The following POLN variants were observed in gnomAD, a reference collection of about 807,000 sequenced individuals.
POLN encodes the protein DNA polymerase nu.
A neutral mutation model predicts 113.5 loss-of-function variants in POLN; 108 were observed. That is an observed-to-expected ratio of 0.95 (90% CI 0.81 to 1.12). The LOEUF (loss-of-function observed/expected upper bound fraction) is 1.12, where lower values mean the gene tolerates loss of function less well. POLN is among the 50% of genes most tolerant of loss of function. The pLI, the probability that POLN is intolerant of heterozygous loss-of-function variation, is 0.00. For synonymous variants in POLN, 386 were observed against 391.5 expected (o/e 0.99, Z 0.17); for missense variants, 1,097 against 1,077.1 (o/e 1.02, Z -0.26).
At position 2,127,818 on chromosome 4, in the gene POLN, G is replaced by A. The variant is rs1024652359; in HGVS notation, c.1982+295C>T. 5.9e-5 allele frequency among the ~76,000 whole-genome samples: 9 copies of A among 152,226 alleles called. No homozygotes were observed. Among genetic ancestry groups the A allele is most frequent in the Non-Finnish European group, 1.0e-4 (7 of 68,040 alleles). ...GGCTCACAGCCAGCACCGCGGGCTC[G>A]CTCTTTCCGTGGTGCTCGCCTGCAG... On this transcript the variant is annotated intron_variant, in intron 19 of 25. Transcript: ENST00000511885. This position sits in a 1 kb window ranked among gnomAD's most constrained non-coding sequence, Gnocchi z 4.7.
Position 2,231,913 on chromosome 4 carries a change from G to A in POLN, c.-12-2670C>T, listed in dbSNP as rs149512553. The stretch of plus-strand genomic sequence containing the variant: ...AAAGAGGACACGTAATAAAGATTCA[G>A]TTTTCAGTAATTTTCAATCTTCAAG... On this transcript the variant is annotated intron_variant, in intron 2 of 25. Coordinates refer to ENST00000511885, the MANE Select transcript of POLN (RefSeq NM_181808.4). 2.0e-3 allele frequency: 2,072 copies of A among 1,061,244 alleles called. 31 individuals carry two copies. The African/African-American group carries it at 0.03, about 15-fold the overall frequency. The allele number at this position is 1,061,244 out of a possible 1,614,324, so 65.7% of individuals were successfully genotyped here.
At chr4:2,189,807 G>T (rs987005227) in intron 7 of POLN, among the ~76,000 whole-genome samples, 4 of 151,566 alleles carry the variant, frequency 2.6e-5, no homozygotes, top group Non-Finnish European at 4.4e-5. Flanking sequence ...AAGGCGGGTG[G>T]ATCACGAGGT....
intron 20 of POLN, among the ~76,000 whole-genome samples, chr4:2,092,208 G>A (rs1251541851): frequency 1.3e-5 from 2 of 152,224 alleles, no homozygotes; most frequent in East Asian, 3.9e-4. Flanking sequence ...CACTGAGCCA[G>A]GCGGTGTGCC....
intron 6 of POLN, among the ~76,000 whole-genome samples, chr4:2,194,804 GGAGAAT>G (rs1452620339): frequency 6.6e-6 from 1 of 152,064 alleles, no homozygotes. Context: ...TGCTGAGGAG[GGAGAAT>G]CACTTGAGCC....
chr4:2,156,537 C>T lies in POLN; in HGVS notation c.1731+251G>A, dbSNP rs542842647. ...GATGGGGTACGGGTGTCCTTTTTGC[C>T]TGCACACTGGAGTGCATGGGTTTCT... On this transcript the variant is annotated intron_variant, in intron 16 of 25. Transcript: ENST00000511885. The T allele has an allele frequency of 4.7e-5, 25 of 530,938 alleles. No individual in the cohort carries two copies. The African/African-American group carries it at 4.8e-4, about 10-fold the overall frequency. The allele number at this position is 530,938 out of a possible 1,614,324, so 32.9% of individuals were successfully genotyped here. A position where few individuals can be genotyped will look rare whatever the true frequency, so the allele number is the denominator to read the frequency against.
chr4:2,210,158 A>G (rs1383696480), intron 4 of POLN, among the ~76,000 whole-genome samples: 2 of 151,976 alleles, frequency 1.3e-5, no homozygotes, highest in African/African-American at 2.4e-5. Flanking sequence ...GGTTTCCAAG[A>G]GTAGGCTTTC....
At chr4:2,092,658 A>G (rs1730696389) in intron 20 of POLN, among the ~76,000 whole-genome samples, 1 of 152,130 alleles carries the variant, frequency 6.6e-6, no homozygotes, top group Non-Finnish European at 1.5e-5. Flanking sequence ...CACAATAGTC[A>G]TGTCACCGAT....
chr4:2,081,806 C>T, intron 21 of POLN, 63 bp from the exon 22 acceptor site: 1 of 1,432,384 alleles, frequency 7.0e-7, no homozygotes, highest in East Asian at 2.3e-5. Flanking sequence ...GGTGCAGCTC[C>T]CTCGGGCCAG....
At chr4:2,121,395 A>T (rs1202013383) in intron 19 of POLN, among the ~76,000 whole-genome samples, 1 of 150,566 alleles carries the variant, frequency 6.6e-6, no homozygotes, top group Non-Finnish European at 1.5e-5. Context: ...AGATTGCGCC[A>T]CTACACTCCA....
In POLN at chr4:2,081,001, G is replaced by A; in HGVS notation, c.2344C>T (p.His782Tyr). The part of the protein sequence containing the change: ...AADLCKLAMI[H>Y]VFTAVAASHT... ...GAAGCAGCCACTGCAGTGAAGACAT[G>A]GATCATGGCCAGCTTGCAGAGGTCA... Residue 782 changes from histidine to tyrosine, a missense_variant, in exon 23 of 26, where the codon CAT becomes TAT. By Grantham distance (83) the His-to-Tyr change is moderately conservative. Transcript: ENST00000511885. 6.2e-7 allele frequency: 1 copy of A among 1,613,870 alleles called. No homozygotes were observed. Among genetic ancestry groups the A allele is most frequent in the Non-Finnish European group, 8.5e-7 (1 of 1,179,964 alleles).
At chr4:2,094,631 G>C (rs1031614667) in intron 20 of POLN, among the ~76,000 whole-genome samples, 5 of 152,222 alleles carry the variant, frequency 3.3e-5, no homozygotes, top group African/African-American at 1.2e-4. Context: ...CAGGTCTGCA[G>C]AAGTGAGGGA....
At position 2,085,784 on chromosome 4, in the gene POLN, C is replaced by T. The variant is rs184068322; in HGVS notation, c.2066-40G>A. ...GACGCATGTCAAAGCCTCACTCACA[C>T]CAGCCGTGACTGTGTGCATGGGCTC... On this transcript the variant is annotated intron_variant, in intron 20 of 25. Transcript: ENST00000511885. 5.5e-4 allele frequency: 881 copies of T among 1,609,308 alleles called. 11 individuals are homozygous for T. The African/African-American group carries it at 0.011, about 20-fold the overall frequency.
chr4:2,134,456 A>T (rs1395537935), intron 16 of POLN, among the ~76,000 whole-genome samples: 1 of 152,244 alleles, frequency 6.6e-6, no homozygotes, highest in Non-Finnish European at 1.5e-5. Context: ...ACCATTTTTC[A>T]TTCCCACCAG....
At chr4:2,219,668 C>A (rs934390333) in intron 3 of POLN, among the ~76,000 whole-genome samples, 1 of 152,276 alleles carries the variant, frequency 6.6e-6, no homozygotes, top group Middle Eastern at 3.4e-3. Context: ...ATCCAGAGCG[C>A]CCTTCTGCAG....
At chr4:2,206,560 A>C (rs1033564091) in intron 5 of POLN, among the ~76,000 whole-genome samples, 8 of 152,228 alleles carry the variant, frequency 5.3e-5, no homozygotes, top group Non-Finnish European at 8.8e-5. Context: ...AGAAAAAAGC[A>C]AACAATCCCA....
At chr4:2,171,019 C>A in intron 12 of POLN, 79 bp downstream of exon 12, 1 of 1,286,992 alleles carries the variant, frequency 7.8e-7, no homozygotes, top group Non-Finnish European at 1.1e-6. Context: ...TAAAATAATA[C>A]TTATAAATTC....
At chr4:2,222,935 G>C (rs1382967120) in intron 3 of POLN, among the ~76,000 whole-genome samples, 4 of 152,118 alleles carry the variant, frequency 2.6e-5, no homozygotes, top group Non-Finnish European at 5.9e-5. Context: ...ACCTGCGGGA[G>C]ACCAAACTCC....
chr4:2,128,809 C>T (rs1303693800), intron 18 of POLN, among the ~76,000 whole-genome samples: 2 of 152,214 alleles, frequency 1.3e-5, no homozygotes. Context: ...AATCCCAGCA[C>T]TTTGGGAGGC....
rs527406068 is a variant in POLN, at chr4:2,124,316, GC to G, written c.1982+3796del. On this transcript the variant is annotated intron_variant, in intron 19 of 25. Coordinates refer to ENST00000511885, the MANE Select transcript of POLN (RefSeq NM_181808.4). ...AGAGACAGGTTCTTGCTCTGTCGAGGCGGAGTGCAGTGGTGTAATCATAGCT... is the reference window on the plus strand; with the variant it reads ...AGAGACAGGTTCTTGCTCTGTCGAGGGGAGTGCAGTGGTGTAATCATAGCT... Among the ~76,000 whole-genome samples, 291 of 152,226 alleles carry G rather than the reference GC, an allele frequency of 1.9e-3. 1 individual carries two copies. The highest frequency in any genetic ancestry group is 6.8e-3 in the African/African-American group (282 of 41,542).
Sources: gnomAD v4.1 joint callset for allele counts (sites outside exome capture counted in the v4.1 genomes callset) on GRCh38, gnomAD v4.1.1 for gene constraint, Gnocchi (gnomAD v3.1) non-coding constraint, MANE v1.5 for transcripts, NCBI Gene and HGNC (gene_info 2026-07-23, HGNC 2026-07-21) for gene names.